The following TBCEL variants were observed in gnomAD, a reference collection of about 807,000 sequenced individuals.
The protein encoded by TBCEL is tubulin-specific chaperone cofactor E-like protein.
A neutral mutation model predicts 44.2 loss-of-function variants in TBCEL; 15 were observed. That is an observed-to-expected ratio of 0.34 (90% CI 0.23 to 0.52). The LOEUF is 0.52. Among genes scored for constraint, TBCEL ranks in the 20% least tolerant of loss-of-function variants. TBCEL has a pLI of 0.95. For missense variants in TBCEL, 319 were observed against 506.3 expected, an observed-to-expected ratio of 0.63 and a Z score of 3.55; for synonymous variants, 171 against 185.4, an observed-to-expected ratio of 0.92 and a Z score of 0.63.
At chr11:121,079,020 G>A (rs1254884871) in intron 8 of TBCEL, among the ~76,000 whole-genome samples, 1 of 152,190 alleles carries the variant, frequency 6.6e-6, no homozygotes, top group African/African-American at 2.4e-5. Context: ...ATTACTAGAT[G>A]ATTTTTGATA....
intron 4 of TBCEL, among the ~76,000 whole-genome samples, 175 bp from the exon 5 acceptor site, chr11:121,053,376 C>T (rs1259151983): frequency 6.6e-6 from 1 of 151,790 alleles, no homozygotes; most frequent in East Asian, 1.9e-4. Context: ...AATTATTTGC[C>T]AAGGTTTGTT....
At chr11:121,061,981 TA>T (rs1481119059) in intron 8 of TBCEL, among the ~76,000 whole-genome samples, 1 of 152,168 alleles carries the variant, frequency 6.6e-6, no homozygotes, top group Non-Finnish European at 1.5e-5. Flanking sequence ...TAATAACATT[TA>T]GTTTAAAATG....
chr11:121,026,002 T>A (rs1021682344), intron 1 of TBCEL, among the ~76,000 whole-genome samples: 24 of 152,224 alleles, frequency 1.6e-4, no homozygotes, highest in African/African-American at 5.8e-4. Context: ...AAAGAAATTT[T>A]ATTTTACTGT....
At chr11:121,080,692 A>G (rs1946109379) in intron 8 of TBCEL, among the ~76,000 whole-genome samples, 1 of 152,230 alleles carries the variant, frequency 6.6e-6, no homozygotes, top group Non-Finnish European at 1.5e-5. Context: ...AACACAGACT[A>G]AGACATATGG....
chr11:121,084,931 C>A (rs891495729), intron 8 of TBCEL, among the ~76,000 whole-genome samples: 1 of 151,686 alleles, frequency 6.6e-6, no homozygotes, highest in Non-Finnish European at 1.5e-5. Context: ...GTTTGTTTTG[C>A]TTTGTTTTGT....
At chr11:121,062,640 A>G (rs1280307103) in intron 8 of TBCEL, among the ~76,000 whole-genome samples, 1 of 152,194 alleles carries the variant, frequency 6.6e-6, no homozygotes, top group Non-Finnish European at 1.5e-5. Context: ...AAGTGCATTT[A>G]TACTTCTGTA....
intron 1 of TBCEL, among the ~76,000 whole-genome samples, chr11:121,027,770 C>T (rs1404213972): frequency 6.6e-6 from 1 of 152,006 alleles, no homozygotes; most frequent in Admixed American, 6.6e-5. Context: ...ATTTGTGCAC[C>T]TTATTTTTAT....
intron 8 of TBCEL, among the ~76,000 whole-genome samples, chr11:121,080,278 T>A (rs1946102209): frequency 6.6e-6 from 1 of 152,218 alleles, no homozygotes; most frequent in Non-Finnish European, 1.5e-5. Flanking sequence ...AGACTTCGGT[T>A]GATTCAATGT....
chr11:121,071,156 A>G (rs185607699), intron 8 of TBCEL, among the ~76,000 whole-genome samples: 80 of 152,280 alleles, frequency 5.3e-4, no homozygotes, highest in Middle Eastern at 3.4e-3. Context: ...TCAGATGTCT[A>G]TCCACATTGC....
chr11:121,033,150 TTATTA>T (rs1945172847), intron 1 of TBCEL, among the ~76,000 whole-genome samples: 1 of 152,204 alleles, frequency 6.6e-6, no homozygotes, highest in Non-Finnish European at 1.5e-5. Flanking sequence ...GGGAATACCT[TTATTA>T]TATTTATAAT....
chr11:121,072,334 C>A (rs1366537812), intron 8 of TBCEL, among the ~76,000 whole-genome samples: 2 of 152,020 alleles, frequency 1.3e-5, no homozygotes, highest in Non-Finnish European at 2.9e-5. Flanking sequence ...TTATCTTTTT[C>A]GTTTTTGTTT....
At chr11:121,025,445 T>A (rs1945028767) in intron 1 of TBCEL, among the ~76,000 whole-genome samples, 1 of 152,198 alleles carries the variant, frequency 6.6e-6, no homozygotes, top group South Asian at 2.1e-4. Context: ...TAAGTATGTC[T>A]TACATTCAGA....
chr11:121,074,112 T>A (rs1945989336), intron 8 of TBCEL, among the ~76,000 whole-genome samples: 1 of 152,006 alleles, frequency 6.6e-6, no homozygotes, highest in South Asian at 2.1e-4. Flanking sequence ...TCATTCAGAT[T>A]TAAAATTTAA....
chr11:121,057,334 A>C (rs568853022), intron 6 of TBCEL, among the ~76,000 whole-genome samples: 3 of 151,928 alleles, frequency 2.0e-5, no homozygotes, highest in South Asian at 2.1e-4. Flanking sequence ...ATTATAGAAA[A>C]ATTTTTCCTG....
chr11:121,026,459 G>C (rs1303115604), intron 1 of TBCEL, among the ~76,000 whole-genome samples: 1 of 152,156 alleles, frequency 6.6e-6, no homozygotes, highest in Non-Finnish European at 1.5e-5. Context: ...GGTACACAGG[G>C]TATGTATTTA....
chr11:121,071,422 T>A lies in TBCEL; in HGVS notation c.956+11337T>A, dbSNP rs568289596. On this transcript the variant is annotated intron_variant, in intron 8 of 8. Transcript: ENST00000683345. The stretch of plus-strand genomic sequence containing the variant: ...AGGGTGCCTTTTCAGACTTTAAAAT[T>A]TTGCTTATCATAAGGAGGAGTCTTA... Among the ~76,000 whole-genome samples, 8 of 152,262 alleles carry A rather than the reference T, an allele frequency of 5.3e-5. 1 individual carries two copies. Among genetic ancestry groups the A allele is most frequent in the Admixed American group, 5.2e-4 (8 of 15,282 alleles).
At chr11:121,037,531 G>C (rs2134895562) in intron 2 of TBCEL, among the ~76,000 whole-genome samples, 1 of 152,334 alleles carries the variant, frequency 6.6e-6, no homozygotes, top group African/African-American at 2.4e-5. Flanking sequence ...TTATATGGGA[G>C]AGATAGCTGT....
chr11:121,085,767 A>G (rs533698640), intron 8 of TBCEL, among the ~76,000 whole-genome samples: 39 of 152,158 alleles, frequency 2.6e-4, no homozygotes, highest in Admixed American at 9.8e-4. Flanking sequence ...GGGCTTCCCA[A>G]GGTGCTAGGA....
At chr11:121,064,567 T>C (rs561707719) in intron 8 of TBCEL, among the ~76,000 whole-genome samples, 1 of 152,206 alleles carries the variant, frequency 6.6e-6, no homozygotes, top group Non-Finnish European at 1.5e-5. Flanking sequence ...TCCTATGCAC[T>C]AGTGGTTCAA....
Sources: allele counts gnomAD v4.1 joint callset (sites outside exome capture counted in the v4.1 genomes callset), GRCh38; gene constraint gnomAD v4.1.1; transcripts MANE v1.5; gene names NCBI Gene and HGNC (gene_info 2026-07-23, HGNC 2026-07-21).